EIF2B3: variants seen among roughly 807,000 people sequenced by gnomAD.
EIF2B3 encodes the protein translation initiation factor eIF2B subunit gamma.
Under a neutral mutation model 54.1 loss-of-function variants are expected in EIF2B3, and 20 were observed. The observed-to-expected ratio is 0.37, with a 90% CI of 0.26 to 0.54. The LOEUF is 0.54. EIF2B3 is among the 20% of genes least tolerant of loss of function. EIF2B3 has a pLI of 0.86. For synonymous variants in EIF2B3, 153 were observed against 188.1 expected (o/e 0.81, Z 1.52); for missense variants, 448 against 547.8 (o/e 0.82, Z 1.82).
At chr1:44,977,924 A>G (rs139599458) in intron 3 of EIF2B3, among the ~76,000 whole-genome samples, 1,186 of 152,356 alleles carry the variant, frequency 7.8e-3, no homozygotes, top group Admixed American at 0.012. Flanking sequence ...AAAATATATC[A>G]GAAATAAAGT....
intron 5 of EIF2B3, among the ~76,000 whole-genome samples, chr1:44,924,257 A>C (rs753583690): frequency 6.6e-6 from 1 of 151,250 alleles, no homozygotes; most frequent in Admixed American, 6.6e-5. Flanking sequence ...CTAATTTCTT[A>C]AACGATTTTC....
chr1:44,860,250 A>T (rs1195586477), intron 10 of EIF2B3, among the ~76,000 whole-genome samples: 1 of 152,158 alleles, frequency 6.6e-6, no homozygotes, highest in Non-Finnish European at 1.5e-5. Context: ...CTGGGGCTCA[A>T]GTGATCCTCC....
chr1:44,982,622 C>T (rs264020), intron 1 of EIF2B3, among the ~76,000 whole-genome samples: 47,092 of 151,658 alleles, frequency 0.31, 8,158 homozygotes, highest in African/African-American at 0.45. Context: ...TATTTAGAGA[C>T]AGAGTCTTGC....
intron 3 of EIF2B3, among the ~76,000 whole-genome samples, chr1:44,976,041 C>T (rs1644449883): frequency 6.6e-6 from 1 of 152,080 alleles, no homozygotes; most frequent in Non-Finnish European, 1.5e-5. Flanking sequence ...AACATCTACA[C>T]AAAGGTCAGA....
At chr1:44,925,115 G>C (rs1379865861) in intron 5 of EIF2B3, 1 of 152,326 alleles carries the variant, frequency 6.6e-6, no homozygotes, top group Non-Finnish European at 1.5e-5. Flanking sequence ...CATGGAAACA[G>C]TATGTAGTTT....
chr1:44,926,644 C>G lies in EIF2B3; in HGVS notation c.550G>C (p.Gly184Arg). The stretch of plus-strand genomic sequence containing the variant: ...AGGGCTTACTTCTGTAGGATGGATC[C>G]CTTAATGACCAGCTCTTCATCCAAG... ...ADLDEELVIK[G>R]SILQKHPRIR... The change falls in exon 5 of 12, where the codon GGA becomes CGA. Residue 184 changes from glycine (G) to arginine (R), a missense_variant. Physicochemically the swap from Gly to Arg is moderately radical, Grantham distance 125 (BLOSUM62 -2). Transcript: ENST00000360403. The G allele has an allele frequency of 6.2e-7, 1 of 1,613,836 alleles. No individual in the cohort carries two copies. The highest frequency in any genetic ancestry group is 2.2e-5 in the East Asian group (1 of 44,876).
intron 11 of EIF2B3, among the ~76,000 whole-genome samples, chr1:44,855,089 CAA>C (rs111960773): frequency 2.3e-4 from 22 of 95,144 alleles, no homozygotes; most frequent in Non-Finnish European, 1.2e-4. Flanking sequence ...GGCTCAGTCT[CAA>C]AAAAAAAAAA....
chr1:44,878,692 C>T (rs1450346167), intron 8 of EIF2B3, among the ~76,000 whole-genome samples: 4 of 152,052 alleles, frequency 2.6e-5, no homozygotes, highest in East Asian at 1.9e-4. Flanking sequence ...TTCATTATCT[C>T]ACCTCTGTTA....
intron 6 of EIF2B3, among the ~76,000 whole-genome samples, chr1:44,893,142 T>C (rs950732073): frequency 6.6e-6 from 1 of 152,192 alleles, no homozygotes; most frequent in Non-Finnish European, 1.5e-5. Context: ...TAGCTCACTG[T>C]AGCATCAACC....
chr1:44,927,702 C>T (rs1643866945), intron 4 of EIF2B3, among the ~76,000 whole-genome samples: 1 of 152,022 alleles, frequency 6.6e-6, no homozygotes, highest in Non-Finnish European at 1.5e-5. Context: ...AATGTAATTT[C>T]CTGTTTTGAG....
At chr1:44,879,436 C>T (rs998796577) in intron 8 of EIF2B3, among the ~76,000 whole-genome samples, 1 of 152,222 alleles carries the variant, frequency 6.6e-6, no homozygotes, top group African/African-American at 2.4e-5. Context: ...TCAGGGAAGC[C>T]TCCTCTGTAT....
intron 4 of EIF2B3, among the ~76,000 whole-genome samples, chr1:44,931,988 G>T (rs1643900685): frequency 6.6e-6 from 1 of 152,028 alleles, no homozygotes; most frequent in Admixed American, 6.6e-5. Context: ...GGCACATGCT[G>T]GTAATCCCAG....
intron 4 of EIF2B3, among the ~76,000 whole-genome samples, chr1:44,937,039 T>C (rs146034016): frequency 8.3e-4 from 127 of 152,316 alleles, no homozygotes; most frequent in African/African-American, 3.0e-3. Context: ...CTCTTAACAA[T>C]CATGGTGCAG....
intron 5 of EIF2B3, among the ~76,000 whole-genome samples, chr1:44,902,990 G>GT (rs1174949992): frequency 6.6e-6 from 1 of 152,122 alleles, no homozygotes; most frequent in Non-Finnish European, 1.5e-5. Context: ...AACACATACT[G>GT]TATGTCAGGG....
chr1:44,975,874 C>T (rs1316440346), intron 3 of EIF2B3, among the ~76,000 whole-genome samples: 1 of 152,068 alleles, frequency 6.6e-6, no homozygotes, highest in East Asian at 1.9e-4. Flanking sequence ...GAGGCTGAGG[C>T]ACGAGAATCA....
intron 3 of EIF2B3, among the ~76,000 whole-genome samples, chr1:44,942,432 T>A (rs1217999173): frequency 3.0e-5 from 2 of 65,984 alleles, no homozygotes; most frequent in African/African-American, 1.3e-4. Flanking sequence ...TTTTTTTTTT[T>A]TTTTTTTTTT....
At chr1:44,948,097 G>A (rs908399679) in intron 3 of EIF2B3, among the ~76,000 whole-genome samples, 1 of 152,204 alleles carries the variant, frequency 6.6e-6, no homozygotes, top group African/African-American at 2.4e-5. Context: ...CCAGTCTATA[G>A]TCCTCAAAGT....
chr1:44,910,052 T>C (rs1389649194), intron 5 of EIF2B3, among the ~76,000 whole-genome samples: 6 of 152,200 alleles, frequency 3.9e-5, no homozygotes, highest in African/African-American at 1.4e-4. Flanking sequence ...TGTTTTAATA[T>C]TTTCATTACT....
rs1443219685 is a variant in EIF2B3, at chr1:44,912,154, C to T, written c.566+14474G>A. The stretch of plus-strand genomic sequence containing the variant: ...CAAGTCTTTGCTATTGTGAATAGTG[C>T]TTTTAAGAACTTAATGTCTAGGGCT... On this transcript the variant is annotated intron_variant, in intron 5 of 11. Transcript: ENST00000360403. Among the ~76,000 whole-genome samples, 4 of 152,230 alleles carry T rather than the reference C, an allele frequency of 2.6e-5. No homozygotes were observed. In the South Asian group the frequency reaches 8.3e-4, roughly 32 times the overall value.
Sources: allele counts gnomAD v4.1 joint callset (sites outside exome capture counted in the v4.1 genomes callset), GRCh38; gene constraint gnomAD v4.1.1; transcripts MANE v1.5; gene names NCBI Gene and HGNC (gene_info 2026-07-23, HGNC 2026-07-21).